Variants in MARCHF1 observed in about 807,000 individuals in gnomAD.
The protein encoded by MARCHF1 is membrane associated ring-CH-type finger 1, also known as E3 ubiquitin-protein ligase MARCHF1.
Under a neutral mutation model 54.2 loss-of-function variants are expected in MARCHF1, and 40 were observed. The ratio of observed to expected loss-of-function variants is 0.74; its 90% CI spans 0.57 to 0.96. The LOEUF is 0.96. MARCHF1 is among the 40% of genes least tolerant of loss of function. The pLI, the probability that MARCHF1 is intolerant of heterozygous loss-of-function variation, is 0.00. For synonymous variants in MARCHF1, 236 were observed against 236.3 expected (o/e 1.00, Z 0.01); for missense variants, 586 against 656.5 (o/e 0.89, Z 1.17).
At chr4:164,093,343 T>C (rs189108819) in intron 2 of MARCHF1, among the ~76,000 whole-genome samples, 1 of 152,276 alleles carries the variant, frequency 6.6e-6, no homozygotes, top group Admixed American at 6.5e-5. Flanking sequence ...ATACTCTTCA[T>C]TTTTATAAAA....
At chr4:164,301,959 T>C (rs1454605061) in intron 1 of MARCHF1, among the ~76,000 whole-genome samples, 1 of 152,048 alleles carries the variant, frequency 6.6e-6, no homozygotes, top group Non-Finnish European at 1.5e-5. Context: ...GCTAGGACTG[T>C]GGAGGAGATA....
At chr4:164,309,079 T>C (rs1051569263) in intron 1 of MARCHF1, among the ~76,000 whole-genome samples, 4 of 151,912 alleles carry the variant, frequency 2.6e-5, no homozygotes, top group Non-Finnish European at 4.4e-5. Context: ...TTGATAGGTA[T>C]GGAGAAAAAT....
At chr4:164,118,923 G>C (rs1375780607) in intron 1 of MARCHF1, among the ~76,000 whole-genome samples, 1 of 142,634 alleles carries the variant, frequency 7.0e-6, no homozygotes, top group Non-Finnish European at 1.5e-5. Flanking sequence ...ACAAACTCAA[G>C]TAGATATGAG....
chr4:163,747,163 A>G (rs1746386992), intron 4 of MARCHF1, among the ~76,000 whole-genome samples: 1 of 152,220 alleles, frequency 6.6e-6, no homozygotes, highest in South Asian at 2.1e-4. Flanking sequence ...ACCGTACTAC[A>G]AAGAAAATTG....
At chr4:163,821,548 A>G (rs1050402992) in intron 4 of MARCHF1, among the ~76,000 whole-genome samples, 2 of 152,074 alleles carry the variant, frequency 1.3e-5, no homozygotes, top group African/African-American at 4.8e-5. Context: ...CTATGAGATA[A>G]AAATTAAAAA....
chr4:163,624,392 A>T (rs1053883427), intron 5 of MARCHF1, among the ~76,000 whole-genome samples: 1 of 152,210 alleles, frequency 6.6e-6, no homozygotes, highest in African/African-American at 2.4e-5. Flanking sequence ...GATTCTGCTC[A>T]GTCAAGCCCT....
chr4:164,255,320 A>C (rs1458791724), intron 1 of MARCHF1, among the ~76,000 whole-genome samples: 1 of 152,004 alleles, frequency 6.6e-6, no homozygotes. Flanking sequence ...TTGCCCCTAA[A>C]ATAATAGAAA....
At chr4:163,850,960 C>T (rs1448784647) in intron 4 of MARCHF1, among the ~76,000 whole-genome samples, 2 of 152,092 alleles carry the variant, frequency 1.3e-5, no homozygotes, top group Admixed American at 6.6e-5. Flanking sequence ...TGGAACATGA[C>T]ATTGATGAAG....
intron 2 of MARCHF1, among the ~76,000 whole-genome samples, chr4:164,091,661 A>G (rs960763005): frequency 6.6e-6 from 1 of 152,018 alleles, no homozygotes; most frequent in Non-Finnish European, 1.5e-5. Flanking sequence ...CCTATCTACA[A>G]GTAGTTTATA....
intron 1 of MARCHF1, among the ~76,000 whole-genome samples, chr4:164,272,291 C>G (rs1223632473): frequency 6.6e-6 from 1 of 151,816 alleles, no homozygotes; most frequent in Admixed American, 6.6e-5. Flanking sequence ...GAGAAACTTA[C>G]AGGAGTGGAC....
intron 5 of MARCHF1, among the ~76,000 whole-genome samples, chr4:163,662,203 T>C (rs1179412302): frequency 6.6e-6 from 1 of 152,042 alleles, no homozygotes; most frequent in Non-Finnish European, 1.5e-5. Flanking sequence ...AATTATTTCC[T>C]TGATAATTTC....
chr4:164,283,608 A>G (rs981789538), intron 1 of MARCHF1, among the ~76,000 whole-genome samples: 9 of 151,056 alleles, frequency 6.0e-5, no homozygotes, highest in African/African-American at 1.5e-4. Context: ...GAAGCTCAGG[A>G]AAGTCCTGGA....
intron 8 of MARCHF1, among the ~76,000 whole-genome samples, chr4:163,578,370 A>G (rs1042332643): frequency 6.6e-6 from 1 of 152,160 alleles, no homozygotes; most frequent in Non-Finnish European, 1.5e-5. Flanking sequence ...TAACAGAATT[A>G]AAGTAGTGTA....
At chr4:163,983,043 G>A (rs1413163480) in intron 3 of MARCHF1, among the ~76,000 whole-genome samples, 1 of 152,108 alleles carries the variant, frequency 6.6e-6, no homozygotes, top group African/African-American at 2.4e-5. Context: ...TCTGAACACT[G>A]TTACCAGAAG....
At chr4:163,727,138 A>T (rs931471768) in intron 4 of MARCHF1, among the ~76,000 whole-genome samples, 12 of 152,116 alleles carry the variant, frequency 7.9e-5, no homozygotes, top group African/African-American at 2.9e-4. Flanking sequence ...GAAAGTCATC[A>T]CCAAACCTAA....
At chr4:164,052,225 A>G (rs1754386524) in intron 2 of MARCHF1, among the ~76,000 whole-genome samples, 1 of 149,294 alleles carries the variant, frequency 6.7e-6, no homozygotes, top group East Asian at 1.9e-4. Context: ...TCAAATCAGA[A>G]TAATAAAGAT....
At chr4:164,290,684 A>G (rs550561694) in intron 1 of MARCHF1, among the ~76,000 whole-genome samples, 1 of 152,172 alleles carries the variant, frequency 6.6e-6, no homozygotes, top group South Asian at 2.1e-4. Context: ...ATTCATACTT[A>G]ATTCAAAGAG....
chr4:163,947,942 T>C (rs1752055467), intron 3 of MARCHF1, among the ~76,000 whole-genome samples: 1 of 152,264 alleles, frequency 6.6e-6, no homozygotes, highest in Non-Finnish European at 1.5e-5. Flanking sequence ...TTTCCATTTC[T>C]TTTGGCTATT....
intron 4 of MARCHF1, among the ~76,000 whole-genome samples, chr4:163,719,709 T>G (rs1251579311): frequency 1.3e-5 from 2 of 151,714 alleles, no homozygotes; most frequent in African/African-American, 2.4e-5. Flanking sequence ...CCTGACTTTT[T>G]AATGATCGCC....
Sources: gnomAD v4.1 joint callset for allele counts (sites outside exome capture counted in the v4.1 genomes callset) on GRCh38, gnomAD v4.1.1 for gene constraint, MANE v1.5 for transcripts, NCBI Gene and HGNC (gene_info 2026-07-23, HGNC 2026-07-21) for gene names.